MAP4K1: variants seen among roughly 807,000 people sequenced by gnomAD.
MAP4K1 encodes MAPK/ERK kinase kinase kinase 1.
A neutral mutation model predicts 122.8 loss-of-function variants in MAP4K1; 35 were observed. The ratio of observed to expected loss-of-function variants is 0.29; its 90% CI spans 0.22 to 0.38. The LOEUF (loss-of-function observed/expected upper bound fraction) is 0.38. Ranked by LOEUF, MAP4K1 falls within the 10% of genes least tolerant of loss-of-function variation. The pLI is 1.00. For missense variants in MAP4K1, 791 were observed against 1,072.6 expected (o/e 0.74, Z 3.67); for synonymous variants, 412 against 421.3 (o/e 0.98, Z 0.27).
intron 20 of MAP4K1, among the ~76,000 whole-genome samples, chr19:38,600,807 T>A (rs1296356870): frequency 8.9e-5 from 13 of 146,564 alleles, no homozygotes; most frequent in African/African-American, 2.8e-4. Context: ...CCATTTTTTT[T>A]TTTTTTTTTT....
chr19:38,587,864 C>T, intron 30 of MAP4K1, 47 bp from the exon 31 acceptor site: 1 of 1,398,108 alleles, frequency 7.2e-7, no homozygotes, highest in Non-Finnish European at 1.0e-6. Flanking sequence ...TTCATATGTT[C>T]ATTGATTCAT....
At chr19:38,616,673 T>TA (rs1476403048) in intron 3 of MAP4K1, among the ~76,000 whole-genome samples, 1 of 152,122 alleles carries the variant, frequency 6.6e-6, no homozygotes, top group African/African-American at 2.4e-5. Flanking sequence ...TAGGAGTTTA[T>TA]ATTAAAGGAG....
Position 38,608,178 on chromosome 19 carries a change from G to A in MAP4K1, c.1007-8C>T. 1 of 1,500,658 alleles carries A rather than the reference G, an allele frequency of 6.7e-7. No homozygotes were observed. Among genetic ancestry groups the A allele is most frequent in the East Asian group, 2.3e-5 (1 of 43,144 alleles). 93.0% of individuals were successfully genotyped at this position (1,500,658 alleles called of 1,614,324 possible). ...TGAACTCCATGTGCCGCCCTAGGGT[G>A]GGTGGGGGAAGATAACCTGCTGTGA... On this transcript the variant is annotated splice_polypyrimidine_tract_variant and splice_region_variant and intron_variant, in intron 13 of 30. Transcript: ENST00000396857.
At chr19:38,611,198 C>G in intron 10 of MAP4K1, 45 bp downstream of exon 10, 3 of 1,603,564 alleles carry the variant, frequency 1.9e-6, no homozygotes, top group Non-Finnish European at 2.6e-6. Context: ...CCACCCAGCC[C>G]CAGCCCTGCC....
At chr19:38,609,478 G>T in intron 13 of MAP4K1, 118 bp downstream of exon 13, 1 of 859,754 alleles carries the variant, frequency 1.2e-6, no homozygotes, top group Non-Finnish European at 1.9e-6. Context: ...GATTGTCTGG[G>T]GTCTCTTATA....
In MAP4K1 at chr19:38,605,430, C is replaced by T. The variant is rs750796243; in HGVS notation, c.1425G>A (p.Lys475=). The change falls in exon 19 of 31, where the codon AAG becomes AAA. Residue 475 remains lysine (K), a synonymous_variant. Transcript: ENST00000396857. ...TCACCTTTCTCTTCATCTTTTCCTT[C>T]TTGGGGGGCAGAAGTGGGGGCTTGT... The part of the protein sequence containing the change: ...ELDKPPLLPP[K]KEKMKRKGCA... The T allele has an allele frequency of 9.4e-6, 15 of 1,594,790 alleles. No individual in the cohort carries two copies. Among genetic ancestry groups the T allele is most frequent in the Non-Finnish European group, 1.3e-5 (15 of 1,171,640 alleles).
Position 38,612,597 on chromosome 19 carries a change from C to T in MAP4K1, c.665+14G>A, listed in dbSNP as rs1253162266. ...GACAGGATCTCTGGGCCTGGGGACC[C>T]CACGCCTGCCTACCTGAGAGGGTGC... On this transcript the variant is annotated intron_variant, in intron 9 of 30. Coordinates refer to ENST00000396857, the MANE Select transcript of MAP4K1 (RefSeq NM_001042600.3). The T allele has an allele frequency of 6.2e-7, 1 of 1,609,564 alleles. No individual in the cohort carries two copies. Among genetic ancestry groups the T allele is most frequent in the South Asian group, 1.1e-5 (1 of 90,986 alleles).
chr19:38,596,934 C>A, intron 25 of MAP4K1, 100 bp downstream of exon 25: 1 of 1,154,720 alleles, frequency 8.7e-7, no homozygotes, highest in South Asian at 1.3e-5. Context: ...GGGGCCTCGA[C>A]GGAGGTGGGG....
chr19:38,588,259 T>G (rs1271640075), intron 30 of MAP4K1, among the ~76,000 whole-genome samples: 5 of 152,012 alleles, frequency 3.3e-5, no homozygotes. Flanking sequence ...CTTGAGGCCA[T>G]GGGAGGATTT....
At chr19:38,594,975 A>ATCTG (rs1177876426) in intron 29 of MAP4K1, among the ~76,000 whole-genome samples, 4 of 150,836 alleles carry the variant, frequency 2.7e-5, no homozygotes, top group African/African-American at 9.8e-5. Flanking sequence ...CTATCTATCT[A>ATCTG]TCTATCTATC....
rs951436856 is a variant in MAP4K1 at position 38,610,888 on chromosome 19, C to T, written c.810+163G>A. ...TTTGGGAAAGGTCTGGGGTATAACC[C>T]GGAGGGTCTCTGGTGGTCGGGGGTG... is the stretch of plus-strand genomic sequence containing the variant. On this transcript the variant is annotated intron_variant, in intron 11 of 30. Transcript: ENST00000396857. Among the ~76,000 whole-genome samples, 6 of 151,818 alleles carry T rather than the reference C, an allele frequency of 4.0e-5. No homozygotes were observed. The highest frequency in any genetic ancestry group is 9.7e-5 in the African/African-American group (4 of 41,322).
At chr19:38,615,603 G>A (rs116085260) in intron 4 of MAP4K1, among the ~76,000 whole-genome samples, 25 of 152,218 alleles carry the variant, frequency 1.6e-4, no homozygotes, top group African/African-American at 5.8e-4. Context: ...GAGAGAGGCC[G>A]TCAGACATCA....
chr19:38,603,283 TATAC>T (rs1294936601), intron 19 of MAP4K1, among the ~76,000 whole-genome samples: 5 of 145,466 alleles, frequency 3.4e-5, no homozygotes, highest in African/African-American at 1.4e-4. Flanking sequence ...TACACATACA[TATAC>T]ACACACACAT....
Position 38,600,096 on chromosome 19 carries a change from T to A in MAP4K1, c.1589A>T (p.Gln530Leu). ...EGIFILNRND[Q>L]EATLEMLFPS... is the part of the protein sequence containing the mutation. ...CCTCACCATTTCCAGCGTGGCCTCC[T>A]GGTCATTCCGGTTCAGGATGAAGAT... The change falls in exon 21 of 31, where the codon CAG (glutamine) becomes CTG (leucine). Residue 530 changes from glutamine (Q) to leucine (L), a missense_variant. Around this residue, in one of 4 missense-constraint regions of MAP4K1, gnomAD observed 58 missense variants for 118.7 expected, o/e 0.49. Coordinates refer to ENST00000396857, the MANE Select transcript of MAP4K1 (RefSeq NM_001042600.3). The A allele has an allele frequency of 6.2e-7, 1 of 1,614,140 alleles. No homozygotes were observed. Among genetic ancestry groups the A allele is most frequent in the Non-Finnish European group, 8.5e-7 (1 of 1,180,020 alleles).
At position 38,603,985 on chromosome 19, in the gene MAP4K1, GAA is replaced by G. The variant is rs368436239; in HGVS notation, c.1446+1422_1446+1423del. Among the ~76,000 whole-genome samples the G allele has an allele frequency of 6.4e-5, 8 of 124,682 alleles. No individual in the cohort carries two copies. The East Asian group carries it at 6.7e-4, about 10-fold the overall frequency. The allele number at this position is 124,682 out of a possible 152,430, so 81.8% of individuals were successfully genotyped here. A position where few individuals can be genotyped will look rare whatever the true frequency, so the allele number is the denominator to read the frequency against. On this transcript the variant is annotated intron_variant, in intron 19 of 30. Coordinates refer to ENST00000396857, the MANE Select transcript of MAP4K1 (RefSeq NM_001042600.3). Reference sequence around the variant, plus strand: ...GGCGACAGAGTGAGACTCCATCTCAGAAAAAAAAAAAAAAAATTAGCCAAGCG... The same window carrying G: ...GGCGACAGAGTGAGACTCCATCTCAGAAAAAAAAAAAAAATTAGCCAAGCG...
chr19:38,599,893 G>A (rs1244719572), intron 22 of MAP4K1, 32 bp downstream of exon 22: 44 of 1,610,484 alleles, frequency 2.7e-5, no homozygotes, highest in South Asian at 8.8e-5. Flanking sequence ...CTTAACTTCC[G>A]ACCCCATCCC....
At chr19:38,613,070 G>A (rs897087145) in intron 8 of MAP4K1, among the ~76,000 whole-genome samples, 5 of 152,028 alleles carry the variant, frequency 3.3e-5, no homozygotes, top group African/African-American at 4.8e-5. Flanking sequence ...CACTTTGGGA[G>A]GTCAAGGCGG....
At position 38,598,796 on chromosome 19, in the gene MAP4K1, C is replaced by CTG. The variant is rs543700730; in HGVS notation, c.1669+1128_1669+1129insCA. 4.0e-3 allele frequency among the ~76,000 whole-genome samples: 605 copies of CTG among 151,728 alleles called. 3 individuals are homozygous for CTG. The highest frequency in any genetic ancestry group is 0.014 in the African/African-American group (570 of 41,396). On this transcript the variant is annotated intron_variant, in intron 22 of 30. Coordinates refer to ENST00000396857, the MANE Select transcript of MAP4K1 (RefSeq NM_001042600.3). ...TGGGGGGCTGAGACGAGTGGATCAC[C>CTG]AGGTCAGGAGTTCGAGACCAGCCTG...
intron 16 of MAP4K1, among the ~76,000 whole-genome samples, chr19:38,607,453 A>G (rs536142315): frequency 6.6e-6 from 1 of 150,824 alleles, no homozygotes; most frequent in East Asian, 2.0e-4. Flanking sequence ...CCAGCTACTC[A>G]GGAGGCTGAG....
Sources: gnomAD v4.1 joint callset for allele counts (sites outside exome capture counted in the v4.1 genomes callset) on GRCh38, gnomAD v4.1.1 for gene constraint, gnomAD v4.1.1 regional missense constraint, MANE v1.5 for transcripts, NCBI Gene and HGNC (gene_info 2026-07-23, HGNC 2026-07-21) for gene names.